RTKN2: variants seen among roughly 807,000 people sequenced by gnomAD.
RTKN2 encodes the protein rhotekin-2.
In RTKN2, 69 loss-of-function variants were observed where a neutral mutation model predicts 71.5. The observed-to-expected ratio is 0.96, with a 90% CI of 0.79 to 1.18. The LOEUF is 1.18. Among genes scored for constraint, RTKN2 ranks in the 50% most tolerant of loss-of-function variants. RTKN2 has a pLI of 0.00. For synonymous variants in RTKN2, 236 were observed against 236.5 expected, an observed-to-expected ratio of 1.00 and a Z score of 0.02; for missense variants, 724 against 719.7, an observed-to-expected ratio of 1.01 and a Z score of -0.07.
intron 7 of RTKN2, among the ~76,000 whole-genome samples, chr10:62,222,832 C>T (rs73287415): frequency 0.021 from 3,259 of 152,244 alleles, 109 homozygotes; most frequent in African/African-American, 0.075. Context: ...TAAATACCAC[C>T]GCCATCCAAA....
At chr10:62,230,646 G>T (rs1416980775) in intron 6 of RTKN2, among the ~76,000 whole-genome samples, 2 of 152,140 alleles carry the variant, frequency 1.3e-5, no homozygotes, top group Admixed American at 6.5e-5. Context: ...CTCGAGGTAG[G>T]CAGGGCAGAT....
intron 5 of RTKN2, 144 bp downstream of exon 5, chr10:62,239,504 G>A (rs2393869): frequency 0.75 from 350,586 of 466,702 alleles, 132,790 homozygotes; most frequent in East Asian, 0.89. Flanking sequence ...TGAACAAAAT[G>A]ATTTTTAAAA....
chr10:62,239,882 A>G (rs1842338094), intron 4 of RTKN2, 117 bp from the exon 5 acceptor site: 2 of 636,010 alleles, frequency 3.1e-6, no homozygotes, highest in South Asian at 3.7e-5. Flanking sequence ...CATACATTGT[A>G]TACTGTAACC....
chr10:62,245,114 T>C (rs958492542), intron 3 of RTKN2, among the ~76,000 whole-genome samples: 3 of 152,168 alleles, frequency 2.0e-5, no homozygotes, highest in East Asian at 1.9e-4. Flanking sequence ...GTCAGCCATG[T>C]ATTCATTTCA....
At chr10:62,259,265 CCT>C (rs1480526931) in intron 2 of RTKN2, 2 of 374,494 alleles carry the variant, frequency 5.3e-6, no homozygotes, top group Non-Finnish European at 1.0e-5. Flanking sequence ...GTGCATTAAA[CCT>C]CTTTTTCTTA....
intron 6 of RTKN2, among the ~76,000 whole-genome samples, chr10:62,232,121 G>A (rs965718166): frequency 1.3e-5 from 2 of 151,934 alleles, no homozygotes; most frequent in Non-Finnish European, 2.9e-5. Context: ...GATTCAAGGG[G>A]GAAATGTTTA....
chr10:62,186,896 T>TTATTA (rs1470628406), intron 8 of RTKN2, among the ~76,000 whole-genome samples: 1 of 152,188 alleles, frequency 6.6e-6, no homozygotes, highest in East Asian at 1.9e-4. Context: ...CCAAAATATT[T>TTATTA]TATTAATAGT....
At chr10:62,214,006 G>A (rs1010753657) in intron 9 of RTKN2, among the ~76,000 whole-genome samples, 5 of 151,802 alleles carry the variant, frequency 3.3e-5, no homozygotes, top group Non-Finnish European at 5.9e-5. Flanking sequence ...TCAGGTGAAT[G>A]GAAAAATTCA....
At chr10:62,217,609 A>C (rs1841803213) in intron 8 of RTKN2, among the ~76,000 whole-genome samples, 2 of 152,198 alleles carry the variant, frequency 1.3e-5, no homozygotes, top group Non-Finnish European at 2.9e-5. Context: ...TTATAAAAAC[A>C]ATTCTGTATG....
At chr10:62,231,797 T>C (rs538565241) in intron 6 of RTKN2, among the ~76,000 whole-genome samples, 10 of 152,208 alleles carry the variant, frequency 6.6e-5, no homozygotes, top group Non-Finnish European at 1.2e-4. Context: ...TCATTTTATA[T>C]GTGTCCATTT....
At chr10:62,206,375 G>A (rs1040756738) in intron 9 of RTKN2, among the ~76,000 whole-genome samples, 4 of 152,092 alleles carry the variant, frequency 2.6e-5, no homozygotes, top group Non-Finnish European at 4.4e-5. Flanking sequence ...ATACAATATG[G>A]ATATTATGTA....
At chr10:62,200,362 CAAAAAAAAAA>C (rs67854159) in intron 10 of RTKN2, among the ~76,000 whole-genome samples, 3 of 79,504 alleles carry the variant, frequency 3.8e-5, no homozygotes, top group African/African-American at 1.5e-4. Flanking sequence ...GACTCCGTCT[CAAAAAAAAAA>C]AAAAAAAAAA....
intron 9 of RTKN2, 69 bp from the exon 10 acceptor site, chr10:62,205,091 T>C: frequency 8.3e-7 from 1 of 1,203,364 alleles, no homozygotes; most frequent in Non-Finnish European, 1.2e-6. Context: ...AAATGTTTTA[T>C]TGCTTAGCTA....
Position 62,204,655 on chromosome 10 carries a change from T to C in RTKN2, c.1186+202A>G, listed in dbSNP as rs1400546804. 6.6e-5 allele frequency among the ~76,000 whole-genome samples: 10 copies of C among 152,216 alleles called. No individual in the cohort carries two copies. The East Asian group carries it at 1.7e-3, about 26-fold the overall frequency. On this transcript the variant is annotated intron_variant, in intron 10 of 11. Transcript: ENST00000373789. ...AAAGTAGGAGGTAGAGATGCTAGAATCCAAACGTATACTATACAATAGTCA... is the reference window on the plus strand; with the variant it reads ...AAAGTAGGAGGTAGAGATGCTAGAACCCAAACGTATACTATACAATAGTCA...
At chr10:62,199,945 T>C in intron 10 of RTKN2, 84 bp from the exon 11 acceptor site, 1 of 878,242 alleles carries the variant, frequency 1.1e-6, no homozygotes, top group Non-Finnish European at 1.8e-6. Context: ...AGCAATACAT[T>C]TTTGCTTTGA....
In RTKN2 at chr10:62,268,682, A is replaced by C; in HGVS notation, c.-72T>G. 1 of 1,477,092 alleles carries C rather than the reference A, an allele frequency of 6.8e-7. No homozygotes were observed. The highest frequency in any genetic ancestry group is 9.2e-7 in the Non-Finnish European group (1 of 1,088,032). 91.5% of individuals were successfully genotyped at this position (1,477,092 alleles called of 1,614,324 possible). A position where few individuals can be genotyped will look rare whatever the true frequency, so the allele number is the denominator to read the frequency against. On this transcript the variant is annotated 5_prime_UTR_variant, in exon 1 of 12. Transcript: ENST00000373789. ...ATTTGAAAAGCCCGCCCCTGGCAGG[A>C]GCCGCAGAGGACGCCAACCGCCCGG...
At chr10:62,237,990 C>G (rs908176124) in intron 5 of RTKN2, among the ~76,000 whole-genome samples, 4 of 151,846 alleles carry the variant, frequency 2.6e-5, no homozygotes, top group African/African-American at 9.6e-5. Context: ...GGTGGTGTTA[C>G]TAACAATAAA....
downstream of RTKN2, among the ~76,000 whole-genome samples, chr10:62,190,274 C>T (rs1181219466): frequency 6.6e-6 from 1 of 152,118 alleles, no homozygotes; most frequent in Non-Finnish European, 1.5e-5. Flanking sequence ...TCACGTTTAT[C>T]AGAGGCTGTT....
Position 62,198,270 on chromosome 10 carries a change from C to T in RTKN2, c.1468G>A (p.Ala490Thr), listed in dbSNP as rs1180829824. Reference sequence around the variant, plus strand: ...TTTTCATCATGTAATGGCTCACTTGCAGGATACAGTACCTTTTTCTGGATG... The same window carrying T: ...TTTTCATCATGTAATGGCTCACTTGTAGGATACAGTACCTTTTTCTGGATG... ...MVIQKKVLYP[A>T]SEPLHDEKGK... The change falls in exon 12 of 12, where the codon GCA becomes ACA. Residue 490 changes from alanine to threonine, a missense_variant. Transcript: ENST00000373789. 3 of 1,613,914 alleles carry T rather than the reference C, an allele frequency of 1.9e-6. No homozygotes were observed. The highest frequency in any genetic ancestry group is 2.5e-6 in the Non-Finnish European group (3 of 1,179,914).
Sources: gnomAD v4.1 joint callset for allele counts (sites outside exome capture counted in the v4.1 genomes callset) on GRCh38, gnomAD v4.1.1 for gene constraint, MANE v1.5 for transcripts, NCBI Gene and HGNC (gene_info 2026-07-23, HGNC 2026-07-21) for gene names.